Variants in SLC37A1 observed in about 807,000 individuals in gnomAD.
SLC37A1 encodes the protein solute carrier family 37 member 1, also known as glucose-6-phosphate exchanger SLC37A1.
SLC37A1 carries 49 observed loss-of-function variants against 75.3 expected under a neutral mutation model. The ratio of observed to expected loss-of-function variants is 0.65; its 90% CI spans 0.52 to 0.83. The LOEUF (loss-of-function observed/expected upper bound fraction) is 0.83, where lower values mean the gene tolerates loss of function less well. Among genes scored for constraint, SLC37A1 ranks in the 40% least tolerant of loss-of-function variants. SLC37A1 has a pLI of 0.00. For synonymous variants in SLC37A1, 268 were observed against 292.1 expected (o/e 0.92, Z 0.84); for missense variants, 566 against 695.0 (o/e 0.81, Z 2.09).
chr21:42,541,641 A>G (rs1275687212), intron 6 of SLC37A1, among the ~76,000 whole-genome samples: 1 of 152,268 alleles, frequency 6.6e-6, no homozygotes, highest in Non-Finnish European at 1.5e-5. Flanking sequence ...TACCTTCTCC[A>G]TGGCATGGTA....
chr21:42,546,195 G>A (rs1026699185), intron 8 of SLC37A1, among the ~76,000 whole-genome samples: 1 of 152,220 alleles, frequency 6.6e-6, no homozygotes, highest in African/African-American at 2.4e-5. Flanking sequence ...GTTTCCCGCA[G>A]CACCTAGAGG....
chr21:42,503,288 C>G (rs574669140), intron 2 of SLC37A1, among the ~76,000 whole-genome samples: 4 of 133,894 alleles, frequency 3.0e-5, no homozygotes, highest in Non-Finnish European at 6.1e-5. Flanking sequence ...CTGGCTCTGT[C>G]ATCCAGGCTG....
chr21:42,568,115 T>A (rs1446951030), intron 16 of SLC37A1, among the ~76,000 whole-genome samples: 2 of 152,266 alleles, frequency 1.3e-5, no homozygotes, highest in Non-Finnish European at 2.9e-5. Context: ...AACAAACGTT[T>A]TTTATTTGAA....
In SLC37A1 at chr21:42,508,343, G is replaced by T. The variant is rs1276794954; in HGVS notation, c.-179+5926G>T. On this transcript the variant is annotated intron_variant, in intron 2 of 20. Transcript: ENST00000398341. ...AGGGTTTCACCATGTTGGCCAAGCT[G>T]GTCTCGAATTCCTGACCTCAGGTGA... Among the ~76,000 whole-genome samples, 5 of 151,998 alleles carry T rather than the reference G, an allele frequency of 3.3e-5. No homozygotes were observed. The East Asian group carries it at 9.6e-4, about 29-fold the overall frequency.
At chr21:42,572,926 G>T (rs1362540822) in intron 17 of SLC37A1, among the ~76,000 whole-genome samples, 1 of 152,204 alleles carries the variant, frequency 6.6e-6, no homozygotes, top group African/African-American at 2.4e-5. Flanking sequence ...GTGGTTTGAA[G>T]TCTCTCTGTG....
At chr21:42,536,095 G>A (rs1274500773) in intron 5 of SLC37A1, among the ~76,000 whole-genome samples, 2 of 152,142 alleles carry the variant, frequency 1.3e-5, no homozygotes, top group East Asian at 1.9e-4. Flanking sequence ...GAGAGAGACC[G>A]GCTCGGATCT....
At chr21:42,505,153 T>G (rs1026953852) in intron 2 of SLC37A1, among the ~76,000 whole-genome samples, 2 of 152,182 alleles carry the variant, frequency 1.3e-5, no homozygotes, top group African/African-American at 2.4e-5. Context: ...CTAATCACGT[T>G]GTTCTTCAGT....
Position 42,580,337 on chromosome 21 carries a change from T to C in SLC37A1, c.1587-8T>C, listed in dbSNP as rs760482447. On this transcript the variant is annotated splice_polypyrimidine_tract_variant and splice_region_variant and intron_variant, in intron 19 of 19. Coordinates refer to ENST00000352133, the MANE Select transcript of SLC37A1 (RefSeq NM_001320537.2). ...TTAGAGCAGCTCTTCTTTCAACCTT[T>C]CTTTCAGATTTAAGGAACAGTGACA... 6.2e-6 allele frequency: 10 copies of C among 1,612,758 alleles called. No homozygotes were observed. Among genetic ancestry groups the C allele is most frequent in the Non-Finnish European group, 8.5e-6 (10 of 1,179,564 alleles).
intron 6 of SLC37A1, 44 bp from the exon 7 acceptor site, chr21:42,542,360 G>A: frequency 6.3e-7 from 1 of 1,588,756 alleles, no homozygotes; most frequent in Non-Finnish European, 8.6e-7. Flanking sequence ...GCTGTCCCGG[G>A]CCTGCTTCCC....
At chr21:42,559,228 C>T (rs750814163) in intron 11 of SLC37A1, 139 bp downstream of exon 11, 185 of 1,054,916 alleles carry the variant, frequency 1.8e-4, no homozygotes, top group Middle Eastern at 8.5e-4. Flanking sequence ...CAAAGCTAGA[C>T]GCTGCACAGT....
intron 1 of SLC37A1, among the ~76,000 whole-genome samples, chr21:42,516,873 C>T (rs758961793): frequency 6.6e-6 from 1 of 152,200 alleles, no homozygotes; most frequent in South Asian, 2.1e-4. Context: ...AAATTCTTTA[C>T]TCTGAAGTTG....
At chr21:42,553,287 T>C (rs959167692) in intron 9 of SLC37A1, among the ~76,000 whole-genome samples, 1 of 152,272 alleles carries the variant, frequency 6.6e-6, no homozygotes, top group Non-Finnish European at 1.5e-5. Context: ...TTATCATTTA[T>C]ACTAGAGTGA....
chr21:42,535,249 C>T (rs750615984), intron 4 of SLC37A1, among the ~76,000 whole-genome samples: 10 of 152,348 alleles, frequency 6.6e-5, no homozygotes, highest in Admixed American at 2.0e-4. Context: ...ATCTGAATGA[C>T]GCCTGTATTA....
intron 10 of SLC37A1, among the ~76,000 whole-genome samples, chr21:42,555,333 C>T (rs1246105759): frequency 6.6e-6 from 1 of 152,200 alleles, no homozygotes; most frequent in Non-Finnish European, 1.5e-5. Context: ...GGCCTCTCCT[C>T]TGTCAGAAAG....
chr21:42,547,234 C>T lies in SLC37A1; in HGVS notation c.768+94C>T. On this transcript the variant is annotated intron_variant, in intron 9 of 19. Transcript: ENST00000352133. This position sits in a 1 kb window ranked among gnomAD's most constrained non-coding sequence, Gnocchi z 6.1. Reference sequence around the variant, plus strand: ...CTGCCTGTGCGGTGTCAGACAGAAACACACAGGGTAGACAGAAGTCCCACC... The same window carrying T: ...CTGCCTGTGCGGTGTCAGACAGAAATACACAGGGTAGACAGAAGTCCCACC... 7.3e-7 allele frequency: 1 copy of T among 1,372,248 alleles called. No homozygotes were observed. The highest frequency in any genetic ancestry group is 1.0e-6 in the Non-Finnish European group (1 of 961,776). 85.0% of individuals were successfully genotyped at this position (1,372,248 alleles called of 1,614,324 possible).
chr21:42,543,395 T>A (rs376864488), intron 7 of SLC37A1, 41 bp from the exon 8 acceptor site: 7 of 1,613,690 alleles, frequency 4.3e-6, no homozygotes, highest in Non-Finnish European at 5.9e-6. Context: ...CGTTTCAGCT[T>A]CTCAGCTCCA....
At chr21:42,555,245 C>G (rs113367322) in intron 10 of SLC37A1, among the ~76,000 whole-genome samples, 21,312 of 152,036 alleles carry the variant, frequency 0.14, 2,140 homozygotes, top group African/African-American at 0.28. Flanking sequence ...GCCTTAGCCT[C>G]CCAAAGTGCT....
chr21:42,559,969 G>A (rs1260221635), intron 11 of SLC37A1, among the ~76,000 whole-genome samples: 1 of 152,106 alleles, frequency 6.6e-6, no homozygotes, highest in Non-Finnish European at 1.5e-5. Context: ...GAGTGAGGGG[G>A]AGGATGCAGG....
At chr21:42,537,301 T>C (rs1232771416) in intron 5 of SLC37A1, among the ~76,000 whole-genome samples, 2 of 152,222 alleles carry the variant, frequency 1.3e-5, no homozygotes, top group African/African-American at 4.8e-5. Context: ...GTGTGGTGTG[T>C]ACCTGGGGCT....
Sources: allele counts gnomAD v4.1 joint callset (sites outside exome capture counted in the v4.1 genomes callset), GRCh38; gene constraint gnomAD v4.1.1; non-coding constraint Gnocchi (gnomAD v3.1); transcripts MANE v1.5; gene names NCBI Gene and HGNC (gene_info 2026-07-23, HGNC 2026-07-21).